CATSPERB: variants seen among roughly 807,000 people sequenced by gnomAD.
CATSPERB encodes the protein cation channel sperm-associated auxiliary subunit beta.
A neutral mutation model predicts 128.3 loss-of-function variants in CATSPERB; 93 were observed. That is an observed-to-expected ratio of 0.72 (90% CI 0.61 to 0.86). The LOEUF is 0.86. CATSPERB is among the 40% of genes least tolerant of loss of function. The pLI, the probability that CATSPERB is intolerant of heterozygous loss-of-function variation, is 0.00. For missense variants in CATSPERB, 1,153 were observed against 1,329.5 expected (o/e 0.87, Z 2.06); for synonymous variants, 381 against 448.8 (o/e 0.85, Z 1.91).
At chr14:91,593,079 A>G (rs1275500085) in intron 22 of CATSPERB, among the ~76,000 whole-genome samples, 1 of 152,250 alleles carries the variant, frequency 6.6e-6, no homozygotes, top group African/African-American at 2.4e-5. Context: ...GTGGGTGCAC[A>G]GAAGTCAAGA....
intron 14 of CATSPERB, among the ~76,000 whole-genome samples, chr14:91,664,575 C>T (rs1384068578): frequency 6.6e-6 from 1 of 152,124 alleles, no homozygotes; most frequent in South Asian, 2.1e-4. Context: ...CTTGATAACT[C>T]ATTTCTGCTT....
At chr14:91,665,635 G>A (rs996898585) in intron 14 of CATSPERB, among the ~76,000 whole-genome samples, 2 of 151,922 alleles carry the variant, frequency 1.3e-5, no homozygotes, top group African/African-American at 4.8e-5. Flanking sequence ...TTTGGGAGGC[G>A]AAAACGGCCA....
At chr14:91,703,798 C>G (rs1422003345) in intron 7 of CATSPERB, among the ~76,000 whole-genome samples, 1 of 152,082 alleles carries the variant, frequency 6.6e-6, no homozygotes, top group Non-Finnish European at 1.5e-5. Flanking sequence ...ACTGGCAAAC[C>G]TAAATAAACG....
At chr14:91,653,407 C>T (rs555218628) in intron 15 of CATSPERB, among the ~76,000 whole-genome samples, 1 of 152,232 alleles carries the variant, frequency 6.6e-6, no homozygotes, top group South Asian at 2.1e-4. Flanking sequence ...TGAAGGCTCT[C>T]GGTTATACCC....
chr14:91,594,425 T>C (rs562974253), intron 22 of CATSPERB, among the ~76,000 whole-genome samples: 2 of 151,238 alleles, frequency 1.3e-5, no homozygotes, highest in East Asian at 3.9e-4. Flanking sequence ...CATGTATACA[T>C]ATGTGACAAA....
chr14:91,680,072 A>G (rs142877407), intron 11 of CATSPERB, among the ~76,000 whole-genome samples: 45 of 152,342 alleles, frequency 3.0e-4, no homozygotes, highest in African/African-American at 9.9e-4. Context: ...ACAAGCCTGT[A>G]TTAAAAAACA....
chr14:91,688,792 T>C (rs141858959), intron 10 of CATSPERB, among the ~76,000 whole-genome samples: 152 of 152,358 alleles, frequency 1.0e-3, no homozygotes, highest in African/African-American at 3.1e-3. Flanking sequence ...TTTATTGATA[T>C]TGACTGTGTT....
At chr14:91,669,334 A>G (rs1895045670) in intron 14 of CATSPERB, among the ~76,000 whole-genome samples, 1 of 57,768 alleles carries the variant, frequency 1.7e-5, no homozygotes, top group African/African-American at 7.0e-5. Flanking sequence ...TGGTATAACT[A>G]CTCCTTTACC....
At chr14:91,588,867 A>G (rs1482550831) in intron 24 of CATSPERB, among the ~76,000 whole-genome samples, 1 of 152,210 alleles carries the variant, frequency 6.6e-6, no homozygotes, top group African/African-American at 2.4e-5. Context: ...TTCATTTCAA[A>G]AATGCATATA....
chr14:91,714,127 G>A lies in CATSPERB; in HGVS notation c.370+5291C>T, dbSNP rs530740006. ...CCAATAATAAAAACTCGGCAAACTT[G>A]TAATGAAGGAAATTTCTTCAACCTG... On this transcript the variant is annotated intron_variant, in intron 5 of 26. Transcript: ENST00000256343. Among the ~76,000 whole-genome samples, 6 of 152,150 alleles carry A rather than the reference G, an allele frequency of 3.9e-5. No homozygotes were observed. The East Asian group carries it at 1.2e-3, about 29-fold the overall frequency.
At chr14:91,727,775 G>A (rs1223147295) in intron 2 of CATSPERB, among the ~76,000 whole-genome samples, 7 of 152,096 alleles carry the variant, frequency 4.6e-5, no homozygotes, top group Non-Finnish European at 7.4e-5. Flanking sequence ...AACATACTCT[G>A]AGCCATTAAG....
At chr14:91,716,712 TACACACACACACAC>T (rs34934524) in intron 5 of CATSPERB, among the ~76,000 whole-genome samples, 2 of 137,542 alleles carry the variant, frequency 1.5e-5, no homozygotes, top group Non-Finnish European at 1.6e-5. Flanking sequence ...TTTACAAGCA[TACACACACACACAC>T]ACACACACAC....
chr14:91,676,201 C>T (rs761323289), intron 11 of CATSPERB, among the ~76,000 whole-genome samples: 32 of 152,100 alleles, frequency 2.1e-4, no homozygotes, highest in Admixed American at 2.0e-4. Context: ...GCAAAATTTA[C>T]ACAGGCATGC....
intron 22 of CATSPERB, among the ~76,000 whole-genome samples, chr14:91,604,063 C>G (rs985241769): frequency 2.1e-5 from 3 of 146,102 alleles, no homozygotes; most frequent in African/African-American, 7.5e-5. Flanking sequence ...GAGTCTCACT[C>G]TGTCACCCAG....
intron 17 of CATSPERB, among the ~76,000 whole-genome samples, chr14:91,630,164 A>G (rs7153517): frequency 5.3e-5 from 8 of 152,324 alleles, no homozygotes; most frequent in Admixed American, 3.9e-4. Flanking sequence ...TGATCACTCC[A>G]TACTTTCTAA....
rs1566692637 is a variant in CATSPERB, at chr14:91,585,010, T to TTC, written c.3132+2191_3132+2192insGA. Among the ~76,000 whole-genome samples, 892 of 116,130 alleles carry TTC rather than the reference T, an allele frequency of 7.7e-3. 11 individuals carry two copies. Among genetic ancestry groups the TTC allele is most frequent in the African/African-American group, 0.025 (855 of 34,188 alleles). 76.2% of individuals were successfully genotyped at this position (116,130 alleles called of 152,430 possible). A position where few individuals can be genotyped will look rare whatever the true frequency, so the allele number is the denominator to read the frequency against. On this transcript the variant is annotated intron_variant, in intron 26 of 26. Coordinates refer to ENST00000256343, the MANE Select transcript of CATSPERB (RefSeq NM_024764.4). ...TTCCTTTCTTCTTCTTCTTCTTCTT[T>TTC]TTATTTTTATTTTTTATTTTTTTTG...
intron 17 of CATSPERB, among the ~76,000 whole-genome samples, chr14:91,630,206 C>A (rs1894249661): frequency 6.6e-6 from 1 of 152,198 alleles, no homozygotes; most frequent in Non-Finnish European, 1.5e-5. Context: ...TATGGCCCCA[C>A]ATTTTCCTGT....
chr14:91,704,503 A>G (rs748826125), intron 7 of CATSPERB, 49 bp downstream of exon 7: 1 of 1,548,412 alleles, frequency 6.5e-7, no homozygotes, highest in Non-Finnish European at 8.7e-7. Flanking sequence ...CATTACTGTT[A>G]CAAAATATAA....
At chr14:91,720,466 T>C (rs954368512) in intron 4 of CATSPERB, among the ~76,000 whole-genome samples, 1 of 150,964 alleles carries the variant, frequency 6.6e-6, no homozygotes, top group Non-Finnish European at 1.5e-5. Context: ...GAAAATGATA[T>C]TAAGAAAGCA....
Sources: allele counts gnomAD v4.1 joint callset (sites outside exome capture counted in the v4.1 genomes callset), GRCh38; gene constraint gnomAD v4.1.1; transcripts MANE v1.5; gene names NCBI Gene and HGNC (gene_info 2026-07-23, HGNC 2026-07-21).